The following TTLL5 variants were observed in gnomAD, a reference collection of about 807,000 sequenced individuals.
TTLL5 encodes tubulin tyrosine ligase like 5.
TTLL5 carries 132 observed loss-of-function variants against 168.4 expected under a neutral mutation model. The observed-to-expected ratio is 0.78, with a 90% CI of 0.68 to 0.91. The LOEUF is 0.91. Ranked by LOEUF, TTLL5 falls within the 40% of genes least tolerant of loss-of-function variation. TTLL5 has a pLI of 0.00. For missense variants in TTLL5, 1,545 were observed against 1,581.5 expected (o/e 0.98, Z 0.39); for synonymous variants, 546 against 558.6 (o/e 0.98, Z 0.32).
At chr14:75,779,830 T>C (rs1353589613) in intron 24 of TTLL5, 128 bp downstream of exon 24, 20 of 864,842 alleles carry the variant, frequency 2.3e-5, no homozygotes, top group Non-Finnish European at 3.3e-5. Context: ...CTTTGCAGCT[T>C]GGGGAGGGAG....
Position 75,681,606 on chromosome 14 carries a change from G to T in TTLL5, c.243G>T (p.Leu81=). 1 of 1,613,344 alleles carries T rather than the reference G, an allele frequency of 6.2e-7. No homozygotes were observed. Among genetic ancestry groups the T allele is most frequent in the South Asian group, 1.1e-5 (1 of 91,068 alleles). The change falls in exon 4 of 32, where the codon CTG becomes CTT. Residue 81 remains leucine, a synonymous_variant. Transcript: ENST00000298832. ...RTDSRLVRSI[L]TAHGFHEVHP... ...ACAGTCGCCTAGTACGCAGCATTCT[G>T]ACAGCCCATGGATTTCATGAAGTAA...
In TTLL5 at chr14:75,924,895, G is replaced by A. The variant is rs1284818730; in HGVS notation, c.3823+22671G>A. On this transcript the variant is annotated intron_variant, in intron 31 of 31. Transcript: ENST00000298832. ...GCGCCCCTCACCTCCCGGATGGGGC[G>A]GCTGGTCGGGCGGGGGGCTGACCCC... 6.6e-5 allele frequency among the ~76,000 whole-genome samples: 10 copies of A among 151,480 alleles called. 1 individual carries two copies. Among genetic ancestry groups the A allele is most frequent in the African/African-American group, 2.4e-4 (10 of 41,060 alleles).
intron 31 of TTLL5, among the ~76,000 whole-genome samples, chr14:75,946,149 T>C (rs1328725671): frequency 6.6e-6 from 1 of 152,110 alleles, no homozygotes; most frequent in Non-Finnish European, 1.5e-5. Context: ...GCAGGAGGAA[T>C]TGGGGGCAAC....
chr14:75,951,563 C>T (rs2034961942), intron 31 of TTLL5, among the ~76,000 whole-genome samples: 1 of 151,998 alleles, frequency 6.6e-6, no homozygotes, highest in African/African-American at 2.4e-5. Flanking sequence ...AGTTCGAGAC[C>T]AGCCTGGGCA....
intron 18 of TTLL5, chr14:75,757,960 T>G (rs1566590776): frequency 5.5e-6 from 7 of 1,263,852 alleles, no homozygotes; most frequent in Non-Finnish European, 7.2e-6. Flanking sequence ...ATAACCATTT[T>G]TAGTTTGGTT....
At chr14:75,923,094 C>T (rs1260559711) in intron 31 of TTLL5, among the ~76,000 whole-genome samples, 2 of 152,108 alleles carry the variant, frequency 1.3e-5, no homozygotes, top group Non-Finnish European at 2.9e-5. Context: ...TGAGTCTTCT[C>T]TGTTTTATTC....
intron 28 of TTLL5, among the ~76,000 whole-genome samples, chr14:75,827,707 C>CATTTTT (rs1895278984): frequency 3.8e-5 from 2 of 53,204 alleles, no homozygotes; most frequent in South Asian, 2.8e-3. Context: ...TGGCTTGGTT[C>CATTTTT]TTTTTTTTTT....
At chr14:75,932,002 A>G (rs2034292136) in intron 31 of TTLL5, among the ~76,000 whole-genome samples, 1 of 152,250 alleles carries the variant, frequency 6.6e-6, no homozygotes, top group African/African-American at 2.4e-5. Context: ...CTGGGCATAT[A>G]GTAGGTATTC....
intron 31 of TTLL5, chr14:75,906,695 A>G: frequency 1.0e-6 from 1 of 985,826 alleles, no homozygotes; most frequent in Non-Finnish European, 1.2e-6. Flanking sequence ...TAAGAATAAG[A>G]GCATATTTTT....
At chr14:75,717,354 ATCC>A (rs1422345601) in intron 9 of TTLL5, among the ~76,000 whole-genome samples, 2 of 152,130 alleles carry the variant, frequency 1.3e-5, no homozygotes, top group African/African-American at 4.8e-5. Context: ...GGCTCAAGCA[ATCC>A]TCCTGCCTCG....
At chr14:75,780,228 C>T (rs1408624849) in intron 24 of TTLL5, among the ~76,000 whole-genome samples, 1 of 152,200 alleles carries the variant, frequency 6.6e-6, no homozygotes, top group African/African-American at 2.4e-5. Context: ...CTTTCTCTAA[C>T]TTAACATCAT....
rs1365363189 is a variant in TTLL5, at chr14:75,669,492, A to C, written c.151A>C (p.Thr51Pro). The C allele has an allele frequency of 3.1e-6, 5 of 1,614,146 alleles. No individual in the cohort carries two copies. The highest frequency in any genetic ancestry group is 4.2e-6 in the Non-Finnish European group (5 of 1,179,956). Residue 51 changes from threonine (T) to proline (P), a missense_variant, in exon 3 of 32, where the codon ACA becomes CCA. By Grantham distance (38) the Thr-to-Pro change is conservative. Coordinates refer to ENST00000298832, the MANE Select transcript of TTLL5 (RefSeq NM_015072.5). ...VLVFHADAIL[T>P]KDNNIRVIGE... is the part of the protein sequence containing the mutation. ...GGTATTCCATGCCGACGCTATTCTT[A>C]CAAAGGACAACAATATTAGAGTAAT... is the stretch of plus-strand genomic sequence containing the variant.
chr14:75,682,944 A>AT lies in TTLL5; in HGVS notation c.265-606_265-605insT, dbSNP rs1261136797. Among the ~76,000 whole-genome samples, 9 of 151,908 alleles carry AT rather than the reference A, an allele frequency of 5.9e-5. No individual in the cohort carries two copies. In the East Asian group the frequency reaches 1.8e-3, roughly 30 times the overall value. On this transcript the variant is annotated intron_variant, in intron 4 of 31. Transcript: ENST00000298832. The stretch of plus-strand genomic sequence containing the variant: ...ACCACTCCTGGCTAATTAAAAAAAA[A>AT]ATTTTTTTTATAGAGACAGGGTCTT...
rs189228164 is a variant in TTLL5, at chr14:75,780,308, T to C, written c.2515+606T>C. On this transcript the variant is annotated intron_variant, in intron 24 of 31. Transcript: ENST00000298832. The stretch of plus-strand genomic sequence containing the variant: ...ATACCTGGTGGGAAGTCTAATATAC[T>C]TGGTTCCAAGCCTGACATGCCATTA... 2.2e-3 allele frequency among the ~76,000 whole-genome samples: 339 copies of C among 152,296 alleles called. 1 individual carries two copies. The highest frequency in any genetic ancestry group is 7.7e-3 in the African/African-American group (320 of 41,564).
In TTLL5 at chr14:75,717,900, T is replaced by A; in HGVS notation, c.780T>A (p.Ile260=). ...GATATGATCAAGGAGCCAAGAACAT[T>A]CGGAACCAGTTCATGCATCTGACAA... ...TVRYDQGAKN[I]RNQFMHLTNY... Residue 260 remains isoleucine, a synonymous_variant, in exon 10 of 32, where the codon ATT becomes ATA. Coordinates refer to ENST00000298832, the MANE Select transcript of TTLL5 (RefSeq NM_015072.5). 1 of 1,613,868 alleles carries A rather than the reference T, an allele frequency of 6.2e-7. No individual in the cohort carries two copies. The highest frequency in any genetic ancestry group is 8.5e-7 in the Non-Finnish European group (1 of 1,179,910).
chr14:75,875,432 C>T (rs2031409029), intron 29 of TTLL5, among the ~76,000 whole-genome samples: 1 of 150,852 alleles, frequency 6.6e-6, no homozygotes, highest in Admixed American at 6.6e-5. Context: ...GCCTGTAATC[C>T]CACCTACTTG....
At chr14:75,851,157 G>T (rs1223592167) in intron 28 of TTLL5, among the ~76,000 whole-genome samples, 1 of 149,146 alleles carries the variant, frequency 6.7e-6, no homozygotes, top group African/African-American at 2.5e-5. Flanking sequence ...ATATTATCTT[G>T]TGGGAAAATG....
intron 12 of TTLL5, among the ~76,000 whole-genome samples, chr14:75,731,647 ATAT>A (rs746503991): frequency 6.6e-6 from 1 of 152,122 alleles, no homozygotes; most frequent in African/African-American, 2.4e-5. Context: ...TTCTTAAATA[ATAT>A]TAGTAGTGCA....
intron 18 of TTLL5, among the ~76,000 whole-genome samples, chr14:75,756,219 A>G (rs906769217): frequency 6.6e-6 from 1 of 152,106 alleles, no homozygotes; most frequent in African/African-American, 2.4e-5. Context: ...TTTTCACTGG[A>G]TTTTTCTTTG....
Sources: allele counts gnomAD v4.1 joint callset (sites outside exome capture counted in the v4.1 genomes callset), GRCh38; gene constraint gnomAD v4.1.1; transcripts MANE v1.5; gene names NCBI Gene and HGNC (gene_info 2026-07-23, HGNC 2026-07-21).